The following SDF2L1 variants were observed in gnomAD, a reference collection of about 807,000 sequenced individuals.
SDF2L1 encodes stromal cell-derived factor 2-like protein 1.
A neutral mutation model predicts 19.4 loss-of-function variants in SDF2L1; 18 were observed. The observed-to-expected ratio is 0.93, with a 90% CI of 0.64 to 1.38. SDF2L1 has a LOEUF of 1.38. Among genes scored for constraint, SDF2L1 ranks in the 40% most tolerant of loss-of-function variants. The pLI is 0.00. For missense variants in SDF2L1, 263 were observed against 319.4 expected (o/e 0.82, Z 1.35); for synonymous variants, 161 against 148.9 (o/e 1.08, Z -0.59).
At position 21,642,350 on chromosome 22, in the gene SDF2L1, G is replaced by C; in HGVS notation, c.14G>C (p.Gly5Ala). 1 of 1,385,396 alleles carries C rather than the reference G, an allele frequency of 7.2e-7. No individual in the cohort carries two copies. Among genetic ancestry groups the C allele is most frequent in the Non-Finnish European group, 9.3e-7 (1 of 1,077,854 alleles). 85.8% of individuals were successfully genotyped at this position (1,385,396 alleles called of 1,614,324 possible). A position where few individuals can be genotyped will look rare whatever the true frequency, so the allele number is the denominator to read the frequency against. Residue 5 changes from glycine (G) to alanine (A), a missense_variant, in exon 1 of 3, where the codon GGC becomes GCC. Gly to Ala is a moderately conservative substitution (Grantham distance 60). This residue lies in a region of SDF2L1 where 56 missense variants were observed against 45.3 expected (regional missense o/e 1.24). Coordinates refer to ENST00000248958, the MANE Select transcript of SDF2L1 (RefSeq NM_022044.3). MWSA[G>A]RGGAAWPVLL... ...CGGGCCGGGGCGATGTGGAGCGCGG[G>C]CCGCGGCGGGGCTGCCTGGCCGGTG...
Position 21,642,442 on chromosome 22 carries a change from G to A in SDF2L1, c.106G>A (p.Val36Met). Residue 36 changes from valine (V) to methionine (M), a missense_variant, in exon 1 of 3, where the codon GTG (valine) becomes ATG (methionine). Physicochemically the swap from Val to Met is conservative, Grantham distance 21. Coordinates refer to ENST00000248958, the MANE Select transcript of SDF2L1 (RefSeq NM_022044.3). Reference sequence around the variant, plus strand: ...TGCCGCCAAGACCGGTGCGGAGCTCGTGACCTGCGGGTCGGTGCTGAAGCT... The same window carrying A: ...TGCCGCCAAGACCGGTGCGGAGCTCATGACCTGCGGGTCGGTGCTGAAGCT... ...GGAAKTGAEL[V>M]TCGSVLKLLN... The A allele has an allele frequency of 6.8e-7, 1 of 1,478,200 alleles. No individual in the cohort carries two copies. 91.6% of individuals were successfully genotyped at this position (1,478,200 alleles called of 1,614,324 possible). A position where few individuals can be genotyped will look rare whatever the true frequency, so the allele number is the denominator to read the frequency against.
chr22:21,642,911 T>C lies in SDF2L1; in HGVS notation c.237T>C (p.Asn79=). The C allele has an allele frequency of 6.3e-7, 1 of 1,592,924 alleles. No individual in the cohort carries two copies. Among genetic ancestry groups the C allele is most frequent in the Non-Finnish European group, 8.5e-7 (1 of 1,171,536 alleles). Residue 79 remains asparagine, a synonymous_variant, in exon 2 of 3, where the codon AAT becomes AAC. Coordinates refer to ENST00000248958, the MANE Select transcript of SDF2L1 (RefSeq NM_022044.3). The part of the protein sequence containing the change: ...VTGVEASDDA[N]SYWRIRGGSE... ...GCGTAGAGGCGTCGGACGACGCCAATAGCTACTGGCGGATCCGCGGCGGCT... is the reference window on the plus strand; with the variant it reads ...GCGTAGAGGCGTCGGACGACGCCAACAGCTACTGGCGGATCCGCGGCGGCT...
chr22:21,642,380 TG>T lies in SDF2L1; in HGVS notation c.48del (p.Leu17CysfsTer6). On this transcript the variant is annotated frameshift_variant, in exon 1 of 3. Coordinates refer to ENST00000248958, the MANE Select transcript of SDF2L1 (RefSeq NM_022044.3). LOFTEE classifies it high-confidence loss of function. ...GRGGAAWPVL[L>X]GLLLALLVPG... ...GGCGGGGCTGCCTGGCCGGTGCTGT[TG>T]GGGCTGCTGCTGGCGCTGTTAGTGC... The T allele has an allele frequency of 6.9e-7, 1 of 1,441,122 alleles. No individual in the cohort carries two copies. The allele number at this position is 1,441,122 out of a possible 1,614,324, so 89.3% of individuals were successfully genotyped here. A position where few individuals can be genotyped will look rare whatever the true frequency, so the allele number is the denominator to read the frequency against.
intron 2 of SDF2L1, among the ~76,000 whole-genome samples, chr22:21,643,652 CCTT>C (rs571878158): frequency 6.0e-4 from 92 of 152,204 alleles, no homozygotes; most frequent in African/African-American, 2.1e-3. Context: ...GAGGAGGAGG[CCTT>C]AGCTCCGTGG....
At position 21,643,894 on chromosome 22, in the gene SDF2L1, G is replaced by T; in HGVS notation, c.385G>T (p.Glu129Ter). ...HFPSPLSNNQEVSAFGEDGEG... is the reference protein window; with the variant it reads ...HFPSPLSNNQ Reference sequence around the variant, plus strand: ...GTCTTCTCATCCTTTGCACCTATAGGAGGTGAGTGCCTTTGGGGAAGACGG... The same window carrying T: ...GTCTTCTCATCCTTTGCACCTATAGTAGGTGAGTGCCTTTGGGGAAGACGG... Residue 129 changes from glutamate to a stop codon, truncating the protein, a stop_gained and splice_region_variant, in exon 3 of 3, where the codon GAG becomes TAG. Coordinates refer to ENST00000248958, the MANE Select transcript of SDF2L1 (RefSeq NM_022044.3). LOFTEE classifies it high-confidence loss of function. 6.2e-7 allele frequency: 1 copy of T among 1,612,078 alleles called. No homozygotes were observed. The highest frequency in any genetic ancestry group is 8.5e-7 in the Non-Finnish European group (1 of 1,178,828).
rs115706909 is a variant in SDF2L1, at chr22:21,643,926, C to T, written c.417C>T (p.Gly139=). The T allele has an allele frequency of 1.5e-4, 243 of 1,613,610 alleles. 1 individual carries two copies. The African/African-American group carries it at 2.7e-3, about 18-fold the overall frequency. ...EVSAFGEDGE[G]DDLDLWTVRC... ...GTGCCTTTGGGGAAGACGGCGAGGG[C>T]GACGACCTGGACCTATGGACAGTGC... The change falls in exon 3 of 3, where the codon GGC becomes GGT. Residue 139 remains glycine, a synonymous_variant. Coordinates refer to ENST00000248958, the MANE Select transcript of SDF2L1 (RefSeq NM_022044.3).
rs780799135 is a variant in SDF2L1 at position 21,642,325 on chromosome 22, C to G, written c.-12C>G. ...GCCCCTGGGCCCGAGGGGCTGGAGCCGGGCCGGGGCGATGTGGAGCGCGGG... is the reference window on the plus strand; with the variant it reads ...GCCCCTGGGCCCGAGGGGCTGGAGCGGGGCCGGGGCGATGTGGAGCGCGGG... On this transcript the variant is annotated 5_prime_UTR_variant, in exon 1 of 3. Transcript: ENST00000248958. 7.4e-7 allele frequency: 1 copy of G among 1,343,234 alleles called. No homozygotes were observed. The highest frequency in any genetic ancestry group is 9.5e-7 in the Non-Finnish European group (1 of 1,055,094). 83.2% of individuals were successfully genotyped at this position (1,343,234 alleles called of 1,614,324 possible).
At position 21,642,412 on chromosome 22, in the gene SDF2L1, G is replaced by A; in HGVS notation, c.76G>A (p.Gly26Ser). Residue 26 changes from glycine to serine, a missense_variant, in exon 1 of 3, where the codon GGT becomes AGT. This residue lies in a region of SDF2L1 where 56 missense variants were observed against 45.3 expected (regional missense o/e 1.24). Transcript: ENST00000248958. The part of the protein sequence containing the change: ...GLLLALLVPG[G>S]GAAKTGAELV... ...GCTGCTGGCGCTGTTAGTGCCGGGC[G>A]GTGGTGCCGCCAAGACCGGTGCGGA... The A allele has an allele frequency of 1.4e-6, 2 of 1,456,072 alleles. No individual in the cohort carries two copies. Among genetic ancestry groups the A allele is most frequent in the Non-Finnish European group, 1.8e-6 (2 of 1,114,162 alleles). The allele number at this position is 1,456,072 out of a possible 1,614,324, so 90.2% of individuals were successfully genotyped here. A position where few individuals can be genotyped will look rare whatever the true frequency, so the allele number is the denominator to read the frequency against.
chr22:21,643,167 C>A, intron 2 of SDF2L1, 109 bp downstream of exon 2: 3 of 1,344,330 alleles, frequency 2.2e-6, no homozygotes, highest in Admixed American at 2.4e-5. Context: ...ATGGAAATTT[C>A]ACTTCAGAGA....
In SDF2L1 at chr22:21,642,508, A is replaced by G. The variant is rs1014770028; in HGVS notation, c.172A>G (p.Ile58Val). The G allele has an allele frequency of 7.2e-5, 110 of 1,521,370 alleles. No homozygotes were observed. Among genetic ancestry groups the G allele is most frequent in the Non-Finnish European group, 8.9e-5 (102 of 1,139,816 alleles). The allele number at this position is 1,521,370 out of a possible 1,614,324, so 94.2% of individuals were successfully genotyped here. ...CCGCGTGCGGCTGCACTCGCACGACATCAAATACGGATCCGGTGCGTGGGG... is the reference window on the plus strand; with the variant it reads ...CCGCGTGCGGCTGCACTCGCACGACGTCAAATACGGATCCGGTGCGTGGGG... ...HHRVRLHSHD[I>V]KYGSGSGQQS... Residue 58 changes from isoleucine to valine, a missense_variant, in exon 1 of 3, where the codon ATC (isoleucine) becomes GTC (valine). Physicochemically the swap from Ile to Val is conservative, Grantham distance 29. Around this residue, in one of 3 missense-constraint regions of SDF2L1, gnomAD observed 203 missense variants for 256.9 expected, o/e 0.79. Coordinates refer to ENST00000248958, the MANE Select transcript of SDF2L1 (RefSeq NM_022044.3).
Position 21,642,510 on chromosome 22 carries a change from C to A in SDF2L1, c.174C>A (p.Ile58=). 1 of 1,522,236 alleles carries A rather than the reference C, an allele frequency of 6.6e-7. No individual in the cohort carries two copies. Among genetic ancestry groups the A allele is most frequent in the Non-Finnish European group, 8.8e-7 (1 of 1,140,134 alleles). 94.3% of individuals were successfully genotyped at this position (1,522,236 alleles called of 1,614,324 possible). A position where few individuals can be genotyped will look rare whatever the true frequency, so the allele number is the denominator to read the frequency against. Residue 58 remains isoleucine, a synonymous_variant, in exon 1 of 3, where the codon ATC becomes ATA. Transcript: ENST00000248958. Reference sequence around the variant, plus strand: ...GCGTGCGGCTGCACTCGCACGACATCAAATACGGATCCGGTGCGTGGGGCC... The same window carrying A: ...GCGTGCGGCTGCACTCGCACGACATAAAATACGGATCCGGTGCGTGGGGCC... The part of the protein sequence containing the change: ...HHRVRLHSHD[I]KYGSGSGQQS...
In SDF2L1 at chr22:21,644,211, T is replaced by TG; in HGVS notation, c.*40dup. ...GGATGGGTGGATGGAGGGTGGCAGG[T>TG]GGGGCGTCTGCAGGGCCACTCTTGG... On this transcript the variant is annotated 3_prime_UTR_variant, in exon 3 of 3. Transcript: ENST00000248958. 6.2e-7 allele frequency: 1 copy of TG among 1,604,488 alleles called. No individual in the cohort carries two copies. Among genetic ancestry groups the TG allele is most frequent in the Admixed American group, 1.7e-5 (1 of 59,854 alleles).
At chr22:21,643,760 G>A in intron 2 of SDF2L1, 134 bp from the exon 3 acceptor site, 1 of 872,090 alleles carries the variant, frequency 1.1e-6, no homozygotes, top group Non-Finnish European at 1.7e-6. Context: ...GCGGGGGCGG[G>A]TCATGGTGTC....
chr22:21,643,905 C>T lies in SDF2L1; in HGVS notation c.396C>T (p.Ala132=), dbSNP rs114537607. Residue 132 remains alanine (A), a synonymous_variant, in exon 3 of 3, where the codon GCC becomes GCT. Transcript: ENST00000248958. The stretch of plus-strand genomic sequence containing the variant: ...CTTTGCACCTATAGGAGGTGAGTGC[C>T]TTTGGGGAAGACGGCGAGGGCGACG... ...SPLSNNQEVS[A]FGEDGEGDDL... The T allele has an allele frequency of 3.1e-6, 5 of 1,612,996 alleles. No individual in the cohort carries two copies. In the African/African-American group the frequency reaches 5.3e-5, roughly 17 times the overall value.
chr22:21,643,860 G>A (rs929191515), intron 2 of SDF2L1, 34 bp from the exon 3 acceptor site: 1 of 1,590,324 alleles, frequency 6.3e-7, no homozygotes, highest in African/African-American at 1.3e-5. Context: ...GCCTTCTGTG[G>A]TGACCACTGT....
At chr22:21,643,491 T>C (rs1456065699) in intron 2 of SDF2L1, among the ~76,000 whole-genome samples, 1 of 152,160 alleles carries the variant, frequency 6.6e-6, no homozygotes, top group African/African-American at 2.4e-5. Flanking sequence ...TGGAGGTCAT[T>C]GGAATTCAGG....
rs779705087 is a variant in SDF2L1 at position 21,644,152 on chromosome 22, T to C, written c.643T>C (p.Ser215Pro). The C allele has an allele frequency of 1.9e-6, 3 of 1,614,084 alleles. No individual in the cohort carries two copies. Among genetic ancestry groups the C allele is most frequent in the Non-Finnish European group, 2.5e-6 (3 of 1,179,982 alleles). The change falls in exon 3 of 3, where the codon TCT (serine) becomes CCT (proline). Residue 215 changes from serine to proline, a missense_variant. This residue lies in a region of SDF2L1 where 203 missense variants were observed against 256.9 expected (regional missense o/e 0.79). Transcript: ENST00000248958. ...GIFIKPSVEP[S>P]AGHDEL is the part of the protein sequence containing the mutation. ...CTTCATCAAGCCTAGTGTGGAGCCC[T>C]CTGCAGGTCACGATGAACTCTGAGT...
In SDF2L1 at chr22:21,642,408, G is replaced by A. The variant is rs760691809; in HGVS notation, c.72G>A (p.Pro24=). 66 of 1,455,066 alleles carry A rather than the reference G, an allele frequency of 4.5e-5. No individual in the cohort carries two copies. The highest frequency in any genetic ancestry group is 5.6e-5 in the Non-Finnish European group (62 of 1,113,832). The allele number at this position is 1,455,066 out of a possible 1,614,324, so 90.1% of individuals were successfully genotyped here. ...LLGLLLALLV[P]GGGAAKTGAE... ...GGCTGCTGCTGGCGCTGTTAGTGCC[G>A]GGCGGTGGTGCCGCCAAGACCGGTG... Residue 24 remains proline (P), a synonymous_variant, in exon 1 of 3, where the codon CCG becomes CCA. Transcript: ENST00000248958.
Position 21,642,861 on chromosome 22 carries a change from G to A in SDF2L1, c.188-1G>A. 1.3e-6 allele frequency: 2 copies of A among 1,593,088 alleles called. 1 individual carries two copies. The highest frequency in any genetic ancestry group is 3.5e-5 in the Admixed American group (2 of 57,238). The stretch of plus-strand genomic sequence containing the variant: ...TGGGTGTGTGGGGTGTCACTCCTCA[G>A]GCAGCGGCCAGCAATCGGTGACCGG... On this transcript the variant is annotated splice_acceptor_variant, in intron 1 of 2. Transcript: ENST00000248958. LOFTEE classifies it high-confidence loss of function.
Sources: allele counts gnomAD v4.1 joint callset (sites outside exome capture counted in the v4.1 genomes callset), GRCh38; gene constraint gnomAD v4.1.1; regional missense constraint gnomAD v4.1.1; transcripts MANE v1.5; gene names NCBI Gene and HGNC (gene_info 2026-07-23, HGNC 2026-07-21).